The following LGALS3 variants were observed in gnomAD, a reference collection of about 807,000 sequenced individuals.
The protein encoded by LGALS3 is galectin-3.
LGALS3 carries 18 observed loss-of-function variants against 20.7 expected under a neutral mutation model. That is an observed-to-expected ratio of 0.87 (90% confidence interval 0.60 to 1.29). The LOEUF is 1.29. Among genes scored for constraint, LGALS3 ranks in the 50% most tolerant of loss-of-function variants. LGALS3 has a pLI of 0.00. For synonymous variants in LGALS3, 112 were observed against 119.6 expected, an observed-to-expected ratio of 0.94 and a Z score of 0.42; for missense variants, 315 against 314.7, an observed-to-expected ratio of 1.00 and a Z score of -0.01.
At chr14:55,140,494 A>G (rs533427650) in intron 4 of LGALS3, 131 bp downstream of exon 4, 1 of 593,082 alleles carries the variant, frequency 1.7e-6, no homozygotes, top group South Asian at 2.1e-5. Flanking sequence ...TAAAAACTAC[A>G]TATTTAGAAT....
intron 1 of LGALS3, among the ~76,000 whole-genome samples, chr14:55,131,238 C>T (rs955492478): frequency 1.3e-5 from 2 of 152,146 alleles, no homozygotes; most frequent in Non-Finnish European, 2.9e-5. Flanking sequence ...GGATTGACCC[C>T]GAAAACTAGC....
At chr14:55,137,557 A>G (rs1184413418) in intron 2 of LGALS3, 166 bp downstream of exon 2, 14 of 1,546,022 alleles carry the variant, frequency 9.1e-6, no homozygotes, top group Non-Finnish European at 1.2e-5. Context: ...TTTTTCCAGC[A>G]GCAGATTTGG....
intron 1 of LGALS3, among the ~76,000 whole-genome samples, chr14:55,134,496 GAAGTTC>G (rs1881322028): frequency 6.6e-6 from 1 of 152,210 alleles, no homozygotes; most frequent in Non-Finnish European, 1.5e-5. Flanking sequence ...TGCCCACCTT[GAAGTTC>G]AAGATTGTTT....
intron 1 of LGALS3, among the ~76,000 whole-genome samples, chr14:55,136,762 A>G (rs988286757): frequency 6.6e-6 from 1 of 152,130 alleles, no homozygotes; most frequent in Non-Finnish European, 1.5e-5. Flanking sequence ...TTCATTCATT[A>G]TAACTATTTT....
chr14:55,145,263 A>G lies in LGALS3; in HGVS notation c.745A>G (p.Met249Val), dbSNP rs763987329. ...DIDLTSASYT[M>V]I is the part of the protein sequence containing the mutation. ...AGACCTCACCAGTGCTTCATATACCATGATATAATCTGAAAGGGGCAGATT... is the reference window on the plus strand; with the variant it reads ...AGACCTCACCAGTGCTTCATATACCGTGATATAATCTGAAAGGGGCAGATT... Residue 249 changes from methionine to valine, a missense_variant, in exon 6 of 6, where the codon ATG becomes GTG. Transcript: ENST00000254301. The G allele has an allele frequency of 1.9e-6, 3 of 1,613,384 alleles. No individual in the cohort carries two copies.
chr14:55,133,507 T>A (rs1376986641), intron 1 of LGALS3, among the ~76,000 whole-genome samples: 2 of 152,192 alleles, frequency 1.3e-5, no homozygotes, highest in African/African-American at 4.8e-5. Flanking sequence ...TAGGGATGAT[T>A]CATGTCCCAG....
chr14:55,132,719 C>G (rs957986266), intron 1 of LGALS3, among the ~76,000 whole-genome samples: 1 of 152,096 alleles, frequency 6.6e-6, no homozygotes, highest in African/African-American at 2.4e-5. Context: ...AGGCGCCCAC[C>G]ACCACACCTG....
intron 2 of LGALS3, 86 bp from the exon 3 acceptor site, chr14:55,137,956 CCTT>C: frequency 1.4e-6 from 2 of 1,433,624 alleles, no homozygotes; most frequent in Non-Finnish European, 1.8e-6. Flanking sequence ...ATATTCCTCT[CCTT>C]CTTAGATCAC....
chr14:55,138,168 C>CAG lies in LGALS3; in HGVS notation c.143_144dup (p.Ala49ArgfsTer67). 1 of 1,605,202 alleles carries CAG rather than the reference C, an allele frequency of 6.2e-7. No homozygotes were observed. The highest frequency in any genetic ancestry group is 8.5e-7 in the Non-Finnish European group (1 of 1,176,820). ...TTCCTATCCTGGGGCCTACCCCGGG[C>CAG]AGGCACCCCCAGGGGCTTATCCTGG... On this transcript the variant is annotated frameshift_variant, in exon 3 of 6. Transcript: ENST00000254301. LOFTEE classifies it high-confidence loss of function.
chr14:55,134,890 C>T (rs1218639150), intron 1 of LGALS3, among the ~76,000 whole-genome samples: 1 of 152,106 alleles, frequency 6.6e-6, no homozygotes, highest in African/African-American at 2.4e-5. Context: ...TGCGGTGGCT[C>T]ATGCCTGTAA....
At chr14:55,133,017 T>A (rs1407395899) in intron 1 of LGALS3, among the ~76,000 whole-genome samples, 1 of 152,252 alleles carries the variant, frequency 6.6e-6, no homozygotes, top group Non-Finnish European at 1.5e-5. Flanking sequence ...TCAATATTAT[T>A]TTGTGCTTGA....
At chr14:55,133,230 T>C (rs1881283359) in intron 1 of LGALS3, among the ~76,000 whole-genome samples, 1 of 151,838 alleles carries the variant, frequency 6.6e-6, no homozygotes, top group South Asian at 2.1e-4. Flanking sequence ...AAATAAGGAG[T>C]AAAAAGACAC....
chr14:55,142,831 A>G, intron 5 of LGALS3, 82 bp downstream of exon 5: 2 of 1,157,456 alleles, frequency 1.7e-6, no homozygotes, highest in Non-Finnish European at 1.2e-6. Flanking sequence ...ACTTGAAGTG[A>G]GAGTTTTTAT....
intron 1 of LGALS3, among the ~76,000 whole-genome samples, chr14:55,130,109 A>C (rs552749052): frequency 4.6e-5 from 7 of 152,326 alleles, no homozygotes; most frequent in Admixed American, 4.6e-4. Flanking sequence ...GTCTGTGCCC[A>C]GGAAATGGTG....
rs376848437 is a variant in LGALS3 at position 55,129,868 on chromosome 14, G to A, written c.-5+568G>A. Among the ~76,000 whole-genome samples the A allele has an allele frequency of 1.2e-3, 176 of 152,350 alleles. No individual in the cohort carries two copies. Among genetic ancestry groups the A allele is most frequent in the African/African-American group, 4.0e-3 (168 of 41,594 alleles). ...GCCTCCCGGGACCCACAGCTTGGCT[G>A]GCCCGGCCCCTTTTGAGCATCAGCT... On this transcript the variant is annotated intron_variant, in intron 1 of 5. Coordinates refer to ENST00000254301, the MANE Select transcript of LGALS3 (RefSeq NM_002306.4). The surrounding 1 kb of genome is among the most constrained non-coding windows in gnomAD (Gnocchi z 5.3).
chr14:55,145,279 G>T lies in LGALS3; in HGVS notation c.*8G>T. The T allele has an allele frequency of 6.2e-7, 1 of 1,608,688 alleles. No homozygotes were observed. The highest frequency in any genetic ancestry group is 2.2e-5 in the East Asian group (1 of 44,814). On this transcript the variant is annotated 3_prime_UTR_variant, in exon 6 of 6. Coordinates refer to ENST00000254301, the MANE Select transcript of LGALS3 (RefSeq NM_002306.4). Reference sequence around the variant, plus strand: ...TCATATACCATGATATAATCTGAAAGGGGCAGATTAAAAAAAAAAAAAGAA... The same window carrying T: ...TCATATACCATGATATAATCTGAAATGGGCAGATTAAAAAAAAAAAAAGAA...
At chr14:55,137,982 T>G in intron 2 of LGALS3, 63 bp from the exon 3 acceptor site, 1 of 1,458,986 alleles carries the variant, frequency 6.9e-7, no homozygotes, top group East Asian at 2.4e-5. Context: ...ATTCCTATTT[T>G]CCTGAAAATT....
chr14:55,134,048 T>C (rs531770039), intron 1 of LGALS3, among the ~76,000 whole-genome samples: 8 of 152,184 alleles, frequency 5.3e-5, no homozygotes, highest in Non-Finnish European at 8.8e-5. Flanking sequence ...CCAGGGGATA[T>C]TGGCAATGTC....
In LGALS3 at chr14:55,145,117, T is replaced by C; in HGVS notation, c.599T>C (p.Ile200Thr). 2 of 1,613,182 alleles carry C rather than the reference T, an allele frequency of 1.2e-6. No individual in the cohort carries two copies. Among genetic ancestry groups the C allele is most frequent in the Non-Finnish European group, 1.7e-6 (2 of 1,179,310 alleles). The part of the protein sequence containing the change: ...FPFESGKPFK[I>T]QVLVEPDHFK... ...CAGTTTATGTATATGCCATTTCAGA[T>C]ACAAGTACTGGTTGAACCTGACCAC... Residue 200 changes from isoleucine (I) to threonine (T), a missense_variant and splice_region_variant, in exon 6 of 6, where the codon ATA becomes ACA. Physicochemically the swap from Ile to Thr is moderately conservative, Grantham distance 89. Coordinates refer to ENST00000254301, the MANE Select transcript of LGALS3 (RefSeq NM_002306.4).
Sources: gnomAD v4.1 joint callset for allele counts (sites outside exome capture counted in the v4.1 genomes callset) on GRCh38, gnomAD v4.1.1 for gene constraint, Gnocchi (gnomAD v3.1) non-coding constraint, MANE v1.5 for transcripts, NCBI Gene and HGNC (gene_info 2026-07-23, HGNC 2026-07-21) for gene names.